The following SLC24A4 variants were observed in gnomAD, a reference collection of about 807,000 sequenced individuals.
The protein encoded by SLC24A4 is solute carrier family 24 member 4.
In SLC24A4, 53 loss-of-function variants were observed where a neutral mutation model predicts 79.0. That is an observed-to-expected ratio of 0.67 (90% CI 0.54 to 0.84). SLC24A4 has a LOEUF of 0.84. Ranked by LOEUF, SLC24A4 falls within the 40% of genes least tolerant of loss-of-function variation. SLC24A4 has a pLI of 0.00. For synonymous variants in SLC24A4, 323 were observed against 323.8 expected (o/e 1.00, Z 0.03); for missense variants, 731 against 822.0 (o/e 0.89, Z 1.35).
At position 92,497,794 on chromosome 14, in the gene SLC24A4, CTGGGCCA is replaced by C. The variant is rs1895982902; in HGVS notation, c.*4169_*4175del. ...TCGCATCCCCATCTTTCCTTTCCTTCTGGGCCATGCTCCTCCCTGGCTGGAAAAAGGT... is the reference window on the plus strand; with the variant it reads ...TCGCATCCCCATCTTTCCTTTCCTTCTGCTCCTCCCTGGCTGGAAAAAGGT... On this transcript the variant is annotated 3_prime_UTR_variant, in exon 17 of 17. Transcript: ENST00000532405. The C allele has an allele frequency of 6.6e-6, 1 of 152,504 alleles. No individual in the cohort carries two copies. Among genetic ancestry groups the C allele is most frequent in the Non-Finnish European group, 1.5e-5 (1 of 68,288 alleles). 9.4% of individuals were successfully genotyped at this position (152,504 alleles called of 1,614,324 possible). A position where few individuals can be genotyped will look rare whatever the true frequency, so the allele number is the denominator to read the frequency against.
chr14:92,442,005 G>C, intron 4 of SLC24A4, 84 bp from the exon 5 acceptor site: 1 of 1,097,416 alleles, frequency 9.1e-7, no homozygotes. Context: ...CTGCTCTCCT[G>C]CATGCTCCTT....
chr14:92,374,530 C>G (rs1888393954), intron 2 of SLC24A4, among the ~76,000 whole-genome samples: 1 of 152,200 alleles, frequency 6.6e-6, no homozygotes, highest in Admixed American at 6.5e-5. Context: ...GGGTGCCTGT[C>G]AGACGGGGGC....
chr14:92,468,055 T>C (rs964082187), intron 12 of SLC24A4, among the ~76,000 whole-genome samples: 1 of 152,184 alleles, frequency 6.6e-6, no homozygotes, highest in African/African-American at 2.4e-5. Context: ...AAAATAACAC[T>C]ATTAGATTTA....
intron 2 of SLC24A4, among the ~76,000 whole-genome samples, chr14:92,347,755 C>T (rs890777701): frequency 3.9e-5 from 6 of 151,998 alleles, no homozygotes; most frequent in South Asian, 2.1e-4. Context: ...GGTGAAACTC[C>T]GTCTCTCCTA....
intron 2 of SLC24A4, among the ~76,000 whole-genome samples, chr14:92,422,028 C>T (rs10142219): frequency 0.02 from 3,079 of 152,266 alleles, 99 homozygotes; most frequent in African/African-American, 0.069. Context: ...CGAGTGATTT[C>T]GTGTGTTGCT....
chr14:92,348,400 G>A (rs943780349), intron 2 of SLC24A4, among the ~76,000 whole-genome samples: 7 of 152,280 alleles, frequency 4.6e-5, no homozygotes, highest in Middle Eastern at 3.4e-3. Context: ...TAGGCTTTGC[G>A]GATCATACAG....
At position 92,449,051 on chromosome 14, in the gene SLC24A4, C is replaced by G. The variant is rs755901008; in HGVS notation, c.738-23C>G. ...TGGGACTCCTTTCCATTGCCCTGAC[C>G]TCCTGCCTCCCCTCGCTTCCAGGTA... On this transcript the variant is annotated intron_variant, in intron 9 of 16. Transcript: ENST00000532405. 4 of 1,613,420 alleles carry G rather than the reference C, an allele frequency of 2.5e-6. No homozygotes were observed. The South Asian group carries it at 4.4e-5, about 18-fold the overall frequency.
intron 2 of SLC24A4, among the ~76,000 whole-genome samples, chr14:92,374,704 G>A (rs1343134202): frequency 6.6e-6 from 1 of 152,100 alleles, no homozygotes; most frequent in Non-Finnish European, 1.5e-5. Context: ...TTTTATATTT[G>A]TGCCCTTAGT....
chr14:92,445,704 G>A (rs757245135), intron 8 of SLC24A4, among the ~76,000 whole-genome samples: 2 of 152,200 alleles, frequency 1.3e-5, no homozygotes, highest in Non-Finnish European at 2.9e-5. Context: ...AGTGAGTTAG[G>A]AATAGAGTCT....
At chr14:92,358,242 A>G (rs1887291044) in intron 2 of SLC24A4, among the ~76,000 whole-genome samples, 1 of 152,230 alleles carries the variant, frequency 6.6e-6, no homozygotes, top group South Asian at 2.1e-4. Flanking sequence ...AATGCATGCA[A>G]CTGGGATAGG....
At chr14:92,469,931 T>C (rs1471181196) in intron 12 of SLC24A4, among the ~76,000 whole-genome samples, 1 of 152,238 alleles carries the variant, frequency 6.6e-6, no homozygotes, top group African/African-American at 2.4e-5. Context: ...GAATGACCGC[T>C]AATGGCTAGG....
At chr14:92,348,193 T>C (rs1319448038) in intron 2 of SLC24A4, among the ~76,000 whole-genome samples, 1 of 152,238 alleles carries the variant, frequency 6.6e-6, no homozygotes, top group African/African-American at 2.4e-5. Context: ...TCCTTAAATC[T>C]CATTTCCCTG....
rs1035997153 is a variant in SLC24A4, at chr14:92,455,985, G to A, written c.1051-419G>A. On this transcript the variant is annotated intron_variant, in intron 11 of 16. Transcript: ENST00000532405. ...CAAAGTGCTGGGATTACAAGCATGAGCCACCGTGCCCGGCAGTGAGTGTAC... is the reference window on the plus strand; with the variant it reads ...CAAAGTGCTGGGATTACAAGCATGAACCACCGTGCCCGGCAGTGAGTGTAC... 6.5e-4 allele frequency among the ~76,000 whole-genome samples: 99 copies of A among 152,172 alleles called. 1 individual carries two copies. The highest frequency in any genetic ancestry group is 1.2e-4 in the Non-Finnish European group (8 of 68,032).
chr14:92,420,324 A>G (rs923759197), intron 2 of SLC24A4, among the ~76,000 whole-genome samples: 2 of 152,172 alleles, frequency 1.3e-5, no homozygotes, highest in African/African-American at 4.8e-5. Flanking sequence ...TACTAAAAAT[A>G]CAAAAATTAG....
At chr14:92,360,974 G>A (rs1887474846) in intron 2 of SLC24A4, among the ~76,000 whole-genome samples, 1 of 152,194 alleles carries the variant, frequency 6.6e-6, no homozygotes, top group Non-Finnish European at 1.5e-5. Context: ...AAGCAGTCAA[G>A]CCTTTTAAAT....
At chr14:92,325,806 C>A in intron 1 of SLC24A4, 62 bp from the exon 2 acceptor site, 2 of 989,142 alleles carry the variant, frequency 2.0e-6, no homozygotes, top group South Asian at 2.9e-5. Flanking sequence ...AATGTAAGGT[C>A]ATTTTGGAAA....
At chr14:92,363,032 G>A (rs765420531) in intron 2 of SLC24A4, among the ~76,000 whole-genome samples, 7 of 152,272 alleles carry the variant, frequency 4.6e-5, no homozygotes, top group South Asian at 2.1e-4. Context: ...AGTTAATGAA[G>A]CTTGGAGCAC....
At chr14:92,431,858 C>T (rs1265563579) in intron 2 of SLC24A4, among the ~76,000 whole-genome samples, 1 of 152,196 alleles carries the variant, frequency 6.6e-6, no homozygotes, top group Non-Finnish European at 1.5e-5. Context: ...CTCCAGTCGA[C>T]AGTGTGGCGT....
At chr14:92,373,186 A>ACACG (rs1888299350) in intron 2 of SLC24A4, among the ~76,000 whole-genome samples, 1 of 70,766 alleles carries the variant, frequency 1.4e-5, no homozygotes, top group South Asian at 7.5e-4. Flanking sequence ...ACACACACAC[A>ACACG]CACACACGCA....
Sources: allele counts gnomAD v4.1 joint callset (sites outside exome capture counted in the v4.1 genomes callset), GRCh38; gene constraint gnomAD v4.1.1; transcripts MANE v1.5; gene names NCBI Gene and HGNC (gene_info 2026-07-23, HGNC 2026-07-21).